Variants in ANO4 observed in about 807,000 individuals in gnomAD.
ANO4 encodes the protein anoctamin 4, also known as anoctamin-4.
ANO4 carries 69 observed loss-of-function variants against 141.9 expected under a neutral mutation model. The ratio of observed to expected loss-of-function variants is 0.49; its 90% CI spans 0.40 to 0.59. The LOEUF is 0.59. Ranked by LOEUF, ANO4 falls within the 20% of genes least tolerant of loss-of-function variation. The probability of loss-of-function intolerance (pLI) is 0.00; values close to 1 mark genes in which losing one functional copy is unlikely to be tolerated. For missense variants in ANO4, 894 were observed against 1,162.2 expected (o/e 0.77, Z 3.36); for synonymous variants, 350 against 394.3 (o/e 0.89, Z 1.33).
intron 1 of ANO4, among the ~76,000 whole-genome samples, chr12:100,900,324 T>C (rs976561804): frequency 2.0e-5 from 3 of 151,418 alleles, no homozygotes; most frequent in Admixed American, 1.3e-4. Context: ...TTTATTATAC[T>C]TTGAGTTCTA....
At chr12:101,078,968 C>A (rs905609) in intron 14 of ANO4, among the ~76,000 whole-genome samples, 35,686 of 151,982 alleles carry the variant, frequency 0.23, 4,279 homozygotes, top group Admixed American at 0.3. Flanking sequence ...CAGCTTAATT[C>A]AATTCTAAGT....
chr12:100,839,908 C>T (rs935919918), intron 1 of ANO4, among the ~76,000 whole-genome samples: 1 of 152,266 alleles, frequency 6.6e-6, no homozygotes, highest in Admixed American at 6.5e-5. Flanking sequence ...CATAATCACA[C>T]TGCCCGTCTT....
At chr12:101,061,019 A>G (rs564816358) in intron 14 of ANO4, among the ~76,000 whole-genome samples, 1 of 152,222 alleles carries the variant, frequency 6.6e-6, no homozygotes, top group South Asian at 2.1e-4. Flanking sequence ...GGCTGGTCCC[A>G]GTTTTTCCTT....
At chr12:100,754,539 T>A (rs993222647) in intron 3 of ANO4, among the ~76,000 whole-genome samples, 1 of 151,788 alleles carries the variant, frequency 6.6e-6, no homozygotes, top group Admixed American at 6.6e-5. Context: ...AGAATTACCA[T>A]ATGACCCAAC....
At chr12:101,017,025 C>G (rs2046342785) in intron 8 of ANO4, among the ~76,000 whole-genome samples, 3 of 152,190 alleles carry the variant, frequency 2.0e-5, no homozygotes, top group Non-Finnish European at 2.9e-5. Context: ...AAAGTCGCTC[C>G]TCCTCCTCCA....
At chr12:101,049,096 C>T (rs910108197) in intron 14 of ANO4, among the ~76,000 whole-genome samples, 1 of 152,132 alleles carries the variant, frequency 6.6e-6, no homozygotes, top group Non-Finnish European at 1.5e-5. Context: ...TGGCAGTTAC[C>T]TTTGGAAAGG....
At chr12:101,109,566 A>G (rs959547661) in intron 22 of ANO4, among the ~76,000 whole-genome samples, 1 of 152,210 alleles carries the variant, frequency 6.6e-6, no homozygotes, top group South Asian at 2.1e-4. Flanking sequence ...GTCTCAAAAA[A>G]AAACAAAAAA....
At chr12:100,989,924 C>T (rs754535779) in intron 8 of ANO4, among the ~76,000 whole-genome samples, 2 of 124,992 alleles carry the variant, frequency 1.6e-5, no homozygotes, top group Non-Finnish European at 3.3e-5. Flanking sequence ...GGATAGTGTA[C>T]CTGGATAGGT....
intron 5 of ANO4, among the ~76,000 whole-genome samples, chr12:100,962,732 G>T (rs1055212754): frequency 3.9e-5 from 6 of 152,176 alleles, no homozygotes; most frequent in Non-Finnish European, 4.4e-5. Context: ...CAACACAGTG[G>T]CTTATTTCTT....
intron 1 of ANO4, among the ~76,000 whole-genome samples, chr12:100,806,324 A>G (rs931101733): frequency 6.6e-6 from 1 of 152,086 alleles, no homozygotes; most frequent in East Asian, 1.9e-4. Context: ...CCTCACACCT[A>G]TGCCCACTAG....
At chr12:100,924,025 A>T (rs1393285445) in intron 3 of ANO4, among the ~76,000 whole-genome samples, 2 of 151,946 alleles carry the variant, frequency 1.3e-5, no homozygotes, top group African/African-American at 4.8e-5. Context: ...TTCTTTGTAG[A>T]TTCTGGATAT....
intron 1 of ANO4, among the ~76,000 whole-genome samples, chr12:100,717,884 G>T (rs1473539169): frequency 1.3e-5 from 2 of 152,188 alleles, no homozygotes; most frequent in African/African-American, 4.8e-5. Flanking sequence ...GCTTGGAGTT[G>T]GGAGATGTGC....
chr12:100,900,245 TTC>T (rs1374017984), intron 1 of ANO4, among the ~76,000 whole-genome samples: 1 of 151,698 alleles, frequency 6.6e-6, no homozygotes, highest in Non-Finnish European at 1.5e-5. Context: ...CCCTACTTCC[TTC>T]TCTCTCTCTC....
chr12:100,899,755 C>T (rs1239798676), intron 1 of ANO4, among the ~76,000 whole-genome samples: 1 of 152,172 alleles, frequency 6.6e-6, no homozygotes, highest in African/African-American at 2.4e-5. Flanking sequence ...GTTATTTTCC[C>T]TGTTTCTGGG....
At chr12:101,107,877 G>T (rs1473391351) in intron 22 of ANO4, among the ~76,000 whole-genome samples, 2 of 152,140 alleles carry the variant, frequency 1.3e-5, no homozygotes, top group South Asian at 2.1e-4. Context: ...CTGAACTCAA[G>T]TGGGGACAGT....
At chr12:100,847,411 G>A (rs2037622778) in intron 1 of ANO4, among the ~76,000 whole-genome samples, 1 of 151,172 alleles carries the variant, frequency 6.6e-6, no homozygotes, top group Admixed American at 6.6e-5. Context: ...TCTTTCTTTT[G>A]TTTTCATGTC....
intron 3 of ANO4, among the ~76,000 whole-genome samples, chr12:100,760,418 A>G (rs1385089086): frequency 1.3e-5 from 2 of 152,096 alleles, no homozygotes; most frequent in African/African-American, 2.4e-5. Context: ...TTTCTCCTCA[A>G]ATTGAAGCTC....
At chr12:100,984,097 T>TTTTA (rs1221071356) in intron 7 of ANO4, among the ~76,000 whole-genome samples, 1 of 151,986 alleles carries the variant, frequency 6.6e-6, no homozygotes, top group African/African-American at 2.4e-5. Flanking sequence ...GTCTCGGGGA[T>TTTTA]TTTATTTATT....
intron 5 of ANO4, among the ~76,000 whole-genome samples, chr12:100,942,923 A>G (rs2042576002): frequency 6.6e-6 from 1 of 152,204 alleles, no homozygotes; most frequent in Non-Finnish European, 1.5e-5. Context: ...ATTTCAGGAA[A>G]TATCATGAGC....
Sources: allele counts gnomAD v4.1 joint callset (sites outside exome capture counted in the v4.1 genomes callset), GRCh38; gene constraint gnomAD v4.1.1; transcripts MANE v1.5; gene names NCBI Gene and HGNC (gene_info 2026-07-23, HGNC 2026-07-21).